Variants in LGALS13 observed in about 807,000 individuals in gnomAD.
LGALS13 encodes the protein galectin 13, also known as galactoside-binding soluble lectin 13.
In LGALS13, 11 loss-of-function variants were observed where a neutral mutation model predicts 13.2. The ratio of observed to expected loss-of-function variants is 0.83; its 90% CI spans 0.52 to 1.38. The LOEUF (loss-of-function observed/expected upper bound fraction) is 1.38. Ranked by LOEUF, LGALS13 falls within the 40% of genes most tolerant of loss-of-function variation. The pLI is 0.00. For synonymous variants in LGALS13, 71 were observed against 63.7 expected, an observed-to-expected ratio of 1.11 and a Z score of -0.54; for missense variants, 183 against 174.3, an observed-to-expected ratio of 1.05 and a Z score of -0.28.
intron 1 of LGALS13, 144 bp downstream of exon 1, chr19:39,602,727 G>T (rs183381665): frequency 3.6e-6 from 3 of 838,258 alleles, no homozygotes; most frequent in East Asian, 2.6e-5. Context: ...GAAACCCTGA[G>T]GCTATGGTAT....
In LGALS13 at chr19:39,604,582, T is replaced by C. The variant is rs1255463915; in HGVS notation, c.16-20T>C. Reference sequence around the variant, plus strand: ...TGCACCTGACCCTGCACCTCTCACTTACTCTCAATACTCTGGCAGGTGCCA... The same window carrying C: ...TGCACCTGACCCTGCACCTCTCACTCACTCTCAATACTCTGGCAGGTGCCA... On this transcript the variant is annotated intron_variant, in intron 1 of 3. Coordinates refer to ENST00000221797, the MANE Select transcript of LGALS13 (RefSeq NM_013268.3). 16 of 1,613,922 alleles carry C rather than the reference T, an allele frequency of 9.9e-6. No individual in the cohort carries two copies. Among genetic ancestry groups the C allele is most frequent in the Non-Finnish European group, 1.4e-5 (16 of 1,179,918 alleles).
chr19:39,604,801 C>A, intron 2 of LGALS13, 123 bp downstream of exon 2: 1 of 1,227,162 alleles, frequency 8.1e-7, no homozygotes, highest in Non-Finnish European at 1.2e-6. Flanking sequence ...CATGCAGGTG[C>A]AGGTCTTGGA....
At chr19:39,604,051 G>C in intron 1 of LGALS13, 7 of 871,248 alleles carry the variant, frequency 8.0e-6, no homozygotes, top group Non-Finnish European at 9.6e-6. Flanking sequence ...GGGGTTTCCT[G>C]TTCTTTCATC....
intron 1 of LGALS13, 112 bp from the exon 2 acceptor site, chr19:39,604,490 G>T: frequency 8.6e-7 from 1 of 1,164,904 alleles, no homozygotes; most frequent in Non-Finnish European, 1.3e-6. Flanking sequence ...AAAGAGGAGA[G>T]TCCACAGAGT....
intron 3 of LGALS13, 42 bp from the exon 4 acceptor site, chr19:39,607,181 T>G (rs564970547): frequency 1.4e-6 from 2 of 1,471,162 alleles, no homozygotes; most frequent in East Asian, 4.5e-5. Context: ...GAAAACTTGT[T>G]TGGTGGCATG....
In LGALS13 at chr19:39,607,474, A is replaced by C; in HGVS notation, c.*135A>C. ...TGTCATTAAAACAGCACGAAAACTCACATGATTTGGTTCTTGCTTTCAGAG... is the reference window on the plus strand; with the variant it reads ...TGTCATTAAAACAGCACGAAAACTCCCATGATTTGGTTCTTGCTTTCAGAG... On this transcript the variant is annotated 3_prime_UTR_variant, in exon 4 of 4. Transcript: ENST00000221797. The C allele has an allele frequency of 4.3e-6, 3 of 697,346 alleles. No individual in the cohort carries two copies. The highest frequency in any genetic ancestry group is 7.7e-6 in the Non-Finnish European group (3 of 387,868). 43.2% of individuals were successfully genotyped at this position (697,346 alleles called of 1,614,324 possible).
intron 1 of LGALS13, 65 bp from the exon 2 acceptor site, chr19:39,604,537 T>C: frequency 6.5e-7 from 1 of 1,549,290 alleles, no homozygotes; most frequent in Non-Finnish European, 8.9e-7. Flanking sequence ...ACCATGAGAA[T>C]ATGTTACAGG....
chr19:39,603,856 G>T, intron 1 of LGALS13: 3 of 838,520 alleles, frequency 3.6e-6, no homozygotes, highest in Non-Finnish European at 4.3e-6. Context: ...TATCTCAAAA[G>T]TACAGAAAAA....
At chr19:39,605,538 G>C in intron 3 of LGALS13, 150 bp downstream of exon 3, 1 of 718,160 alleles carries the variant, frequency 1.4e-6, no homozygotes, top group South Asian at 1.5e-5. Context: ...CCCCCTGCTT[G>C]CACTGCCATC....
At chr19:39,604,773 T>G (rs1361273298) in intron 2 of LGALS13, 95 bp downstream of exon 2, 24 of 1,475,916 alleles carry the variant, frequency 1.6e-5, no homozygotes, top group Non-Finnish European at 2.3e-5. Flanking sequence ...AAATGTCTAG[T>G]TGGCAGAATG....
chr19:39,604,683 G>A lies in LGALS13; in HGVS notation c.92+5G>A. The A allele has an allele frequency of 6.2e-7, 1 of 1,614,094 alleles. No homozygotes were observed. Among genetic ancestry groups the A allele is most frequent in the Non-Finnish European group, 8.5e-7 (1 of 1,179,938 alleles). On this transcript the variant is annotated splice_donor_5th_base_variant and intron_variant, in intron 2 of 3. Transcript: ENST00000221797. ...GACACCAATCCACTCTTTTATGTGA[G>A]TACTCCATGGTCCAATGGAGGGGTT...
intron 2 of LGALS13, 168 bp from the exon 3 acceptor site, chr19:39,605,010 C>T: frequency 1.4e-6 from 1 of 708,048 alleles, no homozygotes; most frequent in Non-Finnish European, 2.5e-6. Flanking sequence ...ACAGAATCTC[C>T]CTGCCTGGGG....
intron 1 of LGALS13, chr19:39,603,918 T>A (rs1972640669): frequency 1.0e-6 from 1 of 983,732 alleles, no homozygotes; most frequent in East Asian, 1.1e-4. Context: ...CCTCCAGTTA[T>A]GTCCCTGACC....
rs543774630 is a variant in LGALS13 at position 39,607,170 on chromosome 19, C to T, written c.304-53C>T. 5.4e-5 allele frequency: 74 copies of T among 1,370,990 alleles called. No homozygotes were observed. The African/African-American group carries it at 5.5e-4, about 10-fold the overall frequency. 84.9% of individuals were successfully genotyped at this position (1,370,990 alleles called of 1,614,324 possible). A position where few individuals can be genotyped will look rare whatever the true frequency, so the allele number is the denominator to read the frequency against. On this transcript the variant is annotated intron_variant, in intron 3 of 3. Coordinates refer to ENST00000221797, the MANE Select transcript of LGALS13 (RefSeq NM_013268.3). ...TACCAGGACAGAGTGGAGAGGAGGC[C>T]GAAAACTTGTTTGGTGGCATGCTTT...
intron 1 of LGALS13, 50 bp from the exon 2 acceptor site, chr19:39,604,552 G>C (rs1440144381): frequency 6.3e-7 from 1 of 1,597,312 alleles, no homozygotes; most frequent in Non-Finnish European, 8.6e-7. Context: ...TACAGGAGGG[G>C]AGACTGCACC....
In LGALS13 at chr19:39,605,188, C is replaced by A; in HGVS notation, c.103C>A (p.Gln35Lys). The change falls in exon 3 of 4, where the codon CAG (glutamine) becomes AAG (lysine). Residue 35 changes from glutamine (Q) to lysine (K), a missense_variant. Transcript: ENST00000221797. ...TPIHSFINDP[Q>K]LQVDFYTDMD... is the part of the protein sequence containing the mutation. ...GTGCTTCACCCTCAGCAATGACCCA[C>A]AGCTGCAGGTGGATTTCTACACTGA... The A allele has an allele frequency of 1.2e-6, 2 of 1,614,080 alleles. No homozygotes were observed. The highest frequency in any genetic ancestry group is 1.7e-6 in the Non-Finnish European group (2 of 1,179,902).
rs1201016659 is a variant in LGALS13, at chr19:39,607,256, G to A, written c.337G>A (p.Val113Ile). Reference protein sequence around the residue: ...KVNGIRIYGFVHRIPPSFVKM... With the variant: ...KVNGIRIYGFIHRIPPSFVKM... ...CAATGGCATACGCATTTACGGCTTTGTCCATCGAATCCCGCCATCATTTGT... is the reference window on the plus strand; with the variant it reads ...CAATGGCATACGCATTTACGGCTTTATCCATCGAATCCCGCCATCATTTGT... Residue 113 changes from valine to isoleucine, a missense_variant, in exon 4 of 4, where the codon GTC (valine) becomes ATC (isoleucine). Transcript: ENST00000221797. The A allele has an allele frequency of 1.2e-5, 20 of 1,613,902 alleles. No individual in the cohort carries two copies. The Admixed American group carries it at 2.0e-4, about 16-fold the overall frequency.
In LGALS13 at chr19:39,605,192, T is replaced by G; in HGVS notation, c.107T>G (p.Leu36Arg). Reference sequence around the variant, plus strand: ...TTCACCCTCAGCAATGACCCACAGCTGCAGGTGGATTTCTACACTGACATG... The same window carrying G: ...TTCACCCTCAGCAATGACCCACAGCGGCAGGTGGATTTCTACACTGACATG... ...PIHSFINDPQLQVDFYTDMDE... is the reference protein window; with the variant it reads ...PIHSFINDPQRQVDFYTDMDE... The change falls in exon 3 of 4, where the codon CTG becomes CGG. Residue 36 changes from leucine (L) to arginine (R), a missense_variant. Transcript: ENST00000221797. The G allele has an allele frequency of 3.1e-6, 5 of 1,614,218 alleles. No individual in the cohort carries two copies. The highest frequency in any genetic ancestry group is 3.4e-6 in the Non-Finnish European group (4 of 1,180,022).
rs376233853 is a variant in LGALS13 at position 39,604,632 on chromosome 19, G to C, written c.46G>C (p.Val16Leu). The C allele has an allele frequency of 6.2e-7, 1 of 1,614,080 alleles. No individual in the cohort carries two copies. Among genetic ancestry groups the C allele is most frequent in the African/African-American group, 1.3e-5 (1 of 74,926 alleles). ...VPYKLPVSLS[V>L]GSCVIIKGTP... ...ATACAAACTGCCTGTGTCTTTGTCT[G>C]TTGGTTCCTGCGTGATAATCAAAGG... is the stretch of plus-strand genomic sequence containing the variant. The change falls in exon 2 of 4, where the codon GTT becomes CTT. Residue 16 changes from valine to leucine, a missense_variant. Val to Leu is a conservative substitution (Grantham distance 32). Transcript: ENST00000221797.
Sources: gnomAD v4.1 joint callset for allele counts on GRCh38, gnomAD v4.1.1 for gene constraint, MANE v1.5 for transcripts, NCBI Gene and HGNC (gene_info 2026-07-23, HGNC 2026-07-21) for gene names.